The following CCDC172 variants were observed in gnomAD, a reference collection of about 807,000 sequenced individuals.
CCDC172 encodes coiled-coil domain containing 172, also known as coiled-coil domain-containing protein 172.
Under a neutral mutation model 38.0 loss-of-function variants are expected in CCDC172, and 30 were observed. The observed-to-expected ratio is 0.79, with a 90% confidence interval of 0.59 to 1.07. CCDC172 has a LOEUF of 1.07. Among genes scored for constraint, CCDC172 ranks in the 50% least tolerant of loss-of-function variants. The probability of loss-of-function intolerance (pLI) is 0.00; values close to 1 mark genes in which losing one functional copy is unlikely to be tolerated. For synonymous variants in CCDC172, 78 were observed against 88.3 expected, an observed-to-expected ratio of 0.88 and a Z score of 0.66; for missense variants, 297 against 290.1, an observed-to-expected ratio of 1.02 and a Z score of -0.17.
In CCDC172 at chr10:116,340,768, A is replaced by C; in HGVS notation, c.200A>C (p.Gln67Pro). The C allele has an allele frequency of 6.2e-7, 1 of 1,603,364 alleles. No individual in the cohort carries two copies. The highest frequency in any genetic ancestry group is 1.1e-5 in the South Asian group (1 of 89,488). ...QQFFEKSFFLQLLKAHENALE... is the reference protein window; with the variant it reads ...QQFFEKSFFLPLLKAHENALE... ...TTTTTTGAAAAATCCTTCTTCTTAC[A>C]GCTTTTGAAAGCTCATGAAAATGCT... The change falls in exon 4 of 9, where the codon CAG becomes CCG. Residue 67 changes from glutamine to proline, a missense_variant. Gln to Pro is a moderately conservative substitution (Grantham distance 76, BLOSUM62 -1). Coordinates refer to ENST00000333254, the MANE Select transcript of CCDC172 (RefSeq NM_198515.3).
In CCDC172 at chr10:116,324,745, G is replaced by A. The variant is rs1844568307; in HGVS notation, c.-66+132G>A. 11 of 453,762 alleles carry A rather than the reference G, an allele frequency of 2.4e-5. No individual in the cohort carries two copies. The South Asian group carries it at 3.6e-4, about 15-fold the overall frequency. The allele number at this position is 453,762 out of a possible 1,614,324, so 28.1% of individuals were successfully genotyped here. A position where few individuals can be genotyped will look rare whatever the true frequency, so the allele number is the denominator to read the frequency against. On this transcript the variant is annotated intron_variant, in intron 1 of 8. Coordinates refer to ENST00000333254, the MANE Select transcript of CCDC172 (RefSeq NM_198515.3). ...CCCTCTTAGGGCGTGAGGGAGAAAAGCCCGGTTTGTAAACTGTAACGGGAA... is the reference window on the plus strand; with the variant it reads ...CCCTCTTAGGGCGTGAGGGAGAAAAACCCGGTTTGTAAACTGTAACGGGAA...
At chr10:116,326,359 A>G (rs78956763) in intron 3 of CCDC172, among the ~76,000 whole-genome samples, 724 of 152,288 alleles carry the variant, frequency 4.8e-3, no homozygotes, top group Middle Eastern at 0.024. Context: ...ATGGGTGGGG[A>G]CAGAGAGTTA....
chr10:116,340,678 A>G (rs966840296), intron 3 of CCDC172, 56 bp from the exon 4 acceptor site: 1 of 815,346 alleles, frequency 1.2e-6, no homozygotes, highest in Non-Finnish European at 2.1e-6. Flanking sequence ...TACCTAAGGT[A>G]CTCTAAAATG....
In CCDC172 at chr10:116,342,037, A is replaced by C; in HGVS notation, c.284A>C (p.Glu95Ala). The C allele has an allele frequency of 6.8e-7, 1 of 1,477,928 alleles. No individual in the cohort carries two copies. Among genetic ancestry groups the C allele is most frequent in the Non-Finnish European group, 9.0e-7 (1 of 1,106,756 alleles). 91.6% of individuals were successfully genotyped at this position (1,477,928 alleles called of 1,614,324 possible). Residue 95 changes from glutamate (E) to alanine (A), a missense_variant and splice_region_variant, in exon 5 of 9, where the codon GAG (glutamate) becomes GCG (alanine). By Grantham distance (107) the Glu-to-Ala change is moderately radical. Coordinates refer to ENST00000333254, the MANE Select transcript of CCDC172 (RefSeq NM_198515.3). ...TGATCTTTTATTTATGTTTTTCAGG[A>C]GGCTATAAAGAAACAAATGATAGAG... is the stretch of plus-strand genomic sequence containing the variant. ...NHRNMLLQTFEAIKKQMIEEE... is the reference protein window; with the variant it reads ...NHRNMLLQTFAAIKKQMIEEE...
At chr10:116,379,229 G>T in intron 8 of CCDC172, 94 bp from the exon 9 acceptor site, 1 of 627,808 alleles carries the variant, frequency 1.6e-6, no homozygotes, top group Non-Finnish European at 2.6e-6. Flanking sequence ...GAAATGCCCA[G>T]AATTTATTGT....
At chr10:116,343,278 A>C (rs1382981120) in intron 5 of CCDC172, among the ~76,000 whole-genome samples, 1 of 152,170 alleles carries the variant, frequency 6.6e-6, no homozygotes, top group Non-Finnish European at 1.5e-5. Flanking sequence ...CCAAAGAAAC[A>C]GTTGCCCTTC....
chr10:116,369,880 A>G (rs1292206883), intron 7 of CCDC172, among the ~76,000 whole-genome samples: 2 of 151,888 alleles, frequency 1.3e-5, no homozygotes, highest in Non-Finnish European at 2.9e-5. Context: ...TTTGTTGTCA[A>G]GTTTTTGAAG....
At chr10:116,342,294 C>A in intron 5 of CCDC172, 93 bp downstream of exon 5, 1 of 1,057,216 alleles carries the variant, frequency 9.5e-7, no homozygotes, top group Non-Finnish European at 1.3e-6. Flanking sequence ...TTTTCATGAG[C>A]AAATTGGGTT....
intron 5 of CCDC172, among the ~76,000 whole-genome samples, chr10:116,347,033 A>G (rs1368929322): frequency 1.3e-5 from 2 of 152,196 alleles, no homozygotes; most frequent in Non-Finnish European, 2.9e-5. Context: ...GGTCTGAAGA[A>G]TGATACTGAT....
chr10:116,343,536 A>T (rs7912962), intron 5 of CCDC172, among the ~76,000 whole-genome samples: 13,488 of 149,288 alleles, frequency 0.09, 858 homozygotes, highest in East Asian at 0.21. Context: ...TTTTTTTAAA[A>T]AAATATATAT....
rs1845017333 is a variant in CCDC172, at chr10:116,357,817, T to C, written c.551-19T>C. 1 of 1,217,986 alleles carries C rather than the reference T, an allele frequency of 8.2e-7. No homozygotes were observed. The highest frequency in any genetic ancestry group is 1.2e-6 in the Non-Finnish European group (1 of 849,024). 75.4% of individuals were successfully genotyped at this position (1,217,986 alleles called of 1,614,324 possible). A position where few individuals can be genotyped will look rare whatever the true frequency, so the allele number is the denominator to read the frequency against. On this transcript the variant is annotated intron_variant, in intron 6 of 8. Transcript: ENST00000333254. Reference sequence around the variant, plus strand: ...TGTTTAATTTTCAAAAGATTGCAACTATTTTTTGATTTGTTTAGTTTTTGA... The same window carrying C: ...TGTTTAATTTTCAAAAGATTGCAACCATTTTTTGATTTGTTTAGTTTTTGA...
At chr10:116,335,555 A>T (rs574898870) in intron 3 of CCDC172, among the ~76,000 whole-genome samples, 1 of 152,132 alleles carries the variant, frequency 6.6e-6, no homozygotes, top group South Asian at 2.1e-4. Flanking sequence ...ATAAGATTGC[A>T]CTAATTTCAT....
intron 5 of CCDC172, among the ~76,000 whole-genome samples, chr10:116,351,152 C>T (rs185146940): frequency 7.9e-5 from 12 of 152,166 alleles, no homozygotes; most frequent in African/African-American, 2.9e-4. Flanking sequence ...CTAAGTTTTA[C>T]AAAGATTTTC....
intron 7 of CCDC172, among the ~76,000 whole-genome samples, chr10:116,362,920 A>T (rs1050478823): frequency 3.3e-5 from 5 of 152,192 alleles, no homozygotes; most frequent in African/African-American, 1.2e-4. Context: ...TCCTTGGCAC[A>T]TACTGTAGTT....
chr10:116,355,099 G>A, intron 5 of CCDC172, among the ~76,000 whole-genome samples: 1 of 152,166 alleles, frequency 6.6e-6, no homozygotes. Flanking sequence ...CCTAAGCGTA[G>A]TGTTGATAAT....
In CCDC172 at chr10:116,379,504, A is replaced by G; in HGVS notation, c.*146A>G. ...AATATTCAAATTGTTATTATCTAGA[A>G]ATGATGTGTTAGCCCTTTAAGATAA... On this transcript the variant is annotated 3_prime_UTR_variant, in exon 9 of 9. Transcript: ENST00000333254. 3 of 458,226 alleles carry G rather than the reference A, an allele frequency of 6.5e-6. No individual in the cohort carries two copies. Among genetic ancestry groups the G allele is most frequent in the Non-Finnish European group, 1.2e-5 (3 of 259,494 alleles). 28.4% of individuals were successfully genotyped at this position (458,226 alleles called of 1,614,324 possible).
At chr10:116,325,269 A>C in intron 2 of CCDC172, 34 bp from the exon 3 acceptor site, 1 of 1,584,508 alleles carries the variant, frequency 6.3e-7, no homozygotes, top group Non-Finnish European at 8.6e-7. Flanking sequence ...CTTTAGAAAG[A>C]TTGATGTGTT....
chr10:116,358,774 G>A (rs574253975), intron 7 of CCDC172, among the ~76,000 whole-genome samples: 2 of 152,120 alleles, frequency 1.3e-5, no homozygotes, highest in Non-Finnish European at 2.9e-5. Flanking sequence ...TGGGTGATAT[G>A]TATGATGCAG....
At chr10:116,354,304 T>C (rs556381392) in intron 5 of CCDC172, among the ~76,000 whole-genome samples, 2 of 152,208 alleles carry the variant, frequency 1.3e-5, no homozygotes, top group Non-Finnish European at 2.9e-5. Context: ...ATACTTTTTA[T>C]AATTATTATT....
Sources: gnomAD v4.1 joint callset for allele counts (sites outside exome capture counted in the v4.1 genomes callset) on GRCh38, gnomAD v4.1.1 for gene constraint, MANE v1.5 for transcripts, NCBI Gene and HGNC (gene_info 2026-07-23, HGNC 2026-07-21) for gene names.